Variants in PHACTR1 observed in about 807,000 individuals in gnomAD.
PHACTR1 encodes the protein phosphatase and actin regulator 1, also known as RPEL repeat containing 1.
A neutral mutation model predicts 69.2 loss-of-function variants in PHACTR1; 16 were observed. The ratio of observed to expected loss-of-function variants is 0.23; its 90% CI spans 0.16 to 0.35. The LOEUF is 0.35. Among genes scored for constraint, PHACTR1 ranks in the 10% least tolerant of loss-of-function variants. The pLI is 1.00. For synonymous variants in PHACTR1, 312 were observed against 284.5 expected, an observed-to-expected ratio of 1.10 and a Z score of -0.97; for missense variants, 510 against 734.7, an observed-to-expected ratio of 0.69 and a Z score of 3.54.
At chr6:13,126,991 T>C (rs1819636105) in intron 5 of PHACTR1, among the ~76,000 whole-genome samples, 1 of 152,214 alleles carries the variant, frequency 6.6e-6, no homozygotes, top group Non-Finnish European at 1.5e-5. Flanking sequence ...AGTTTTACAA[T>C]GGGAGCCTTC....
chr6:12,989,527 C>T (rs1167770451), intron 4 of PHACTR1, among the ~76,000 whole-genome samples: 3 of 152,264 alleles, frequency 2.0e-5, no homozygotes, highest in African/African-American at 4.8e-5. Flanking sequence ...AGGCCAGAAG[C>T]ACCTCACCCC....
At chr6:13,227,250 C>T (rs527536542) in intron 8 of PHACTR1, among the ~76,000 whole-genome samples, 1 of 152,310 alleles carries the variant, frequency 6.6e-6, no homozygotes, top group African/African-American at 2.4e-5. Flanking sequence ...CCCGCTCTTC[C>T]CTTTCTCAGC....
At chr6:12,932,023 C>T (rs1198176295) in intron 4 of PHACTR1, among the ~76,000 whole-genome samples, 1 of 151,996 alleles carries the variant, frequency 6.6e-6, no homozygotes, top group Non-Finnish European at 1.5e-5. Flanking sequence ...TTCTCAGGCC[C>T]ACCCAAGACC....
intron 4 of PHACTR1, among the ~76,000 whole-genome samples, chr6:13,018,539 C>T (rs562758925): frequency 2.0e-5 from 3 of 152,152 alleles, no homozygotes; most frequent in Admixed American, 6.5e-5. Flanking sequence ...CCCCCAAGTC[C>T]AGTTTTGCCT....
chr6:12,941,640 AG>A (rs1328586513), intron 4 of PHACTR1, among the ~76,000 whole-genome samples: 1 of 152,034 alleles, frequency 6.6e-6, no homozygotes, highest in Non-Finnish European at 1.5e-5. Context: ...CTTGAAGTGT[AG>A]CATTGGGGTT....
At chr6:12,722,474 G>A (rs186107665) in intron 3 of PHACTR1, among the ~76,000 whole-genome samples, 1 of 152,214 alleles carries the variant, frequency 6.6e-6, no homozygotes, top group East Asian at 1.9e-4. Context: ...GTTTCTTTTA[G>A]ATTTTTCTTG....
chr6:13,257,597 C>G (rs1340506975), intron 10 of PHACTR1, among the ~76,000 whole-genome samples: 1 of 152,208 alleles, frequency 6.6e-6, no homozygotes, highest in Non-Finnish European at 1.5e-5. Flanking sequence ...GATCTTCTTA[C>G]TTCCACAGGA....
Position 13,287,109 on chromosome 6 carries a change from C to A in PHACTR1, c.*31C>A, listed in dbSNP as rs1347249671. 6.3e-7 allele frequency: 1 copy of A among 1,583,710 alleles called. No homozygotes were observed. The highest frequency in any genetic ancestry group is 1.1e-5 in the South Asian group (1 of 87,642). On this transcript the variant is annotated 3_prime_UTR_variant, in exon 15 of 15. Coordinates refer to ENST00000332995, the MANE Select transcript of PHACTR1 (RefSeq NM_030948.6). Reference sequence around the variant, plus strand: ...GAATTCCTCTTGAGTGCTATGCTGTCTTCAAAACATAAATTTATAAGAACC... The same window carrying A: ...GAATTCCTCTTGAGTGCTATGCTGTATTCAAAACATAAATTTATAAGAACC...
intron 5 of PHACTR1, among the ~76,000 whole-genome samples, chr6:13,150,901 G>A (rs1035957509): frequency 6.6e-6 from 1 of 152,160 alleles, no homozygotes; most frequent in Non-Finnish European, 1.5e-5. Context: ...TATAGGTGTT[G>A]CATCACACTA....
At chr6:13,228,666 G>A (rs1770236749) in intron 9 of PHACTR1, among the ~76,000 whole-genome samples, 1 of 152,192 alleles carries the variant, frequency 6.6e-6, no homozygotes, top group South Asian at 2.1e-4. Context: ...TAGCAACCAT[G>A]CATTGAACAT....
At chr6:12,749,344 G>C in intron 3 of PHACTR1, 1 of 474,634 alleles carries the variant, frequency 2.1e-6, no homozygotes, top group Non-Finnish European at 4.1e-6. Flanking sequence ...TCGGCCCTGT[G>C]GCTGGGAGAG....
At chr6:13,008,165 A>G (rs6903011) in intron 4 of PHACTR1, among the ~76,000 whole-genome samples, 14 of 152,226 alleles carry the variant, frequency 9.2e-5, no homozygotes, top group African/African-American at 3.1e-4. Context: ...TCAAGAGATA[A>G]TAAGGGAAAA....
intron 4 of PHACTR1, among the ~76,000 whole-genome samples, chr6:12,797,487 C>T (rs1773180856): frequency 6.6e-6 from 1 of 152,136 alleles, no homozygotes; most frequent in Non-Finnish European, 1.5e-5. Flanking sequence ...AGCAGTCATT[C>T]CTGTGCACCT....
At chr6:12,940,937 G>A (rs960181622) in intron 4 of PHACTR1, among the ~76,000 whole-genome samples, 10 of 152,210 alleles carry the variant, frequency 6.6e-5, no homozygotes, top group African/African-American at 2.4e-4. Context: ...ATGGCTTCAA[G>A]GTGTCTGTAT....
intron 8 of PHACTR1, among the ~76,000 whole-genome samples, chr6:13,222,396 C>G (rs1768810637): frequency 6.6e-6 from 1 of 152,178 alleles, no homozygotes; most frequent in South Asian, 2.1e-4. Flanking sequence ...CATGGGGTAA[C>G]TAACAGCTCA....
At chr6:13,042,023 T>C (rs1016620454) in intron 4 of PHACTR1, among the ~76,000 whole-genome samples, 3 of 152,210 alleles carry the variant, frequency 2.0e-5, no homozygotes, top group African/African-American at 7.2e-5. Flanking sequence ...AAAAAAACAC[T>C]ATCCAACCAT....
At chr6:12,944,877 G>A (rs1790498313) in intron 4 of PHACTR1, among the ~76,000 whole-genome samples, 1 of 151,714 alleles carries the variant, frequency 6.6e-6, no homozygotes. Context: ...CCGCCTCCCG[G>A]GTTCACGCCA....
chr6:13,100,089 A>C (rs1814906159), intron 5 of PHACTR1, among the ~76,000 whole-genome samples: 1 of 152,230 alleles, frequency 6.6e-6, no homozygotes, highest in Non-Finnish European at 1.5e-5. Flanking sequence ...AGAGGAAAAT[A>C]TCTAGTCCTC....
chr6:13,230,243 C>T (rs181261370), intron 10 of PHACTR1, 50 bp downstream of exon 10: 2 of 1,572,356 alleles, frequency 1.3e-6, no homozygotes, highest in East Asian at 4.7e-5. Flanking sequence ...TTTAGCTCTC[C>T]AGGTTCTAGC....
Sources: allele counts gnomAD v4.1 joint callset (sites outside exome capture counted in the v4.1 genomes callset), GRCh38; gene constraint gnomAD v4.1.1; transcripts MANE v1.5; gene names NCBI Gene and HGNC (gene_info 2026-07-23, HGNC 2026-07-21).